CDC14B: variants seen among roughly 807,000 people sequenced by gnomAD.
CDC14B encodes the protein dual specificity protein phosphatase CDC14B.
In CDC14B, 22 loss-of-function variants were observed where a neutral mutation model predicts 64.2. That is an observed-to-expected ratio of 0.34 (90% CI 0.24 to 0.49). The LOEUF (loss-of-function observed/expected upper bound fraction) is 0.49, where lower values mean the gene tolerates loss of function less well. CDC14B is among the 20% of genes least tolerant of loss of function. The pLI is 0.99. For missense variants in CDC14B, 498 were observed against 629.9 expected (o/e 0.79, Z 2.24); for synonymous variants, 191 against 215.8 (o/e 0.89, Z 1.01).
intron 13 of CDC14B, among the ~76,000 whole-genome samples, chr9:96,493,907 C>G (rs1022348546): frequency 6.6e-6 from 1 of 152,214 alleles, no homozygotes; most frequent in Non-Finnish European, 1.5e-5. Context: ...CCACCTCATC[C>G]CCGCGCTCCC....
intron 5 of CDC14B, among the ~76,000 whole-genome samples, chr9:96,545,152 TG>T (rs921247798): frequency 2.6e-5 from 4 of 152,142 alleles, no homozygotes; most frequent in African/African-American, 9.7e-5. Context: ...ATCCTGGTTT[TG>T]TAGAAATAGG....
chr9:96,543,287 T>C (rs1276381229), intron 5 of CDC14B, among the ~76,000 whole-genome samples: 1 of 152,026 alleles, frequency 6.6e-6, no homozygotes, highest in African/African-American at 2.4e-5. Context: ...TGAGCGGAGC[T>C]TGCGCCATTG....
At chr9:96,618,771 G>A (rs958494813) in intron 1 of CDC14B, 1 of 357,918 alleles carries the variant, frequency 2.8e-6, no homozygotes, top group Non-Finnish European at 5.4e-6. Flanking sequence ...GGCAGCTCCC[G>A]TGCCAGGCGC....
At chr9:96,499,588 G>A (rs1276194585), downstream of CDC14B, among the ~76,000 whole-genome samples, 2 of 152,242 alleles carry the variant, frequency 1.3e-5, no homozygotes, top group Non-Finnish European at 2.9e-5. Flanking sequence ...GCTGGGGTGT[G>A]AGGAATGGCC....
At chr9:96,598,384 T>A (rs954133418) in intron 1 of CDC14B, among the ~76,000 whole-genome samples, 1 of 152,244 alleles carries the variant, frequency 6.6e-6, no homozygotes, top group African/African-American at 2.4e-5. Context: ...TCACCCAGGC[T>A]GGAGTGCAGT....
chr9:96,561,848 G>C (rs1346398888), intron 4 of CDC14B, among the ~76,000 whole-genome samples: 1 of 151,878 alleles, frequency 6.6e-6, no homozygotes, highest in African/African-American at 2.4e-5. Context: ...TGGGGTGGGG[G>C]TGGAAGAAAC....
chr9:96,496,721 G>C (rs1345675617), downstream of CDC14B, among the ~76,000 whole-genome samples: 1 of 152,252 alleles, frequency 6.6e-6, no homozygotes, highest in African/African-American at 2.4e-5. Flanking sequence ...CGCTGGAGGA[G>C]GTGCAGCGGA....
chr9:96,574,493 A>G (rs1304060511), intron 1 of CDC14B, among the ~76,000 whole-genome samples: 1 of 152,216 alleles, frequency 6.6e-6, no homozygotes, highest in East Asian at 1.9e-4. Flanking sequence ...AAAGTTTTAT[A>G]AGAATATATA....
Position 96,539,160 on chromosome 9 carries a change from T to C in CDC14B, c.565-20A>G. 1.9e-6 allele frequency: 3 copies of C among 1,553,936 alleles called. No homozygotes were observed. The highest frequency in any genetic ancestry group is 2.7e-6 in the Non-Finnish European group (3 of 1,128,116). The stretch of plus-strand genomic sequence containing the variant: ...CATTGCCTAAAATCCAAAAGAAAGC[T>C]TTTAAGAACAAGGATGCAAATAAGA... On this transcript the variant is annotated intron_variant, in intron 6 of 13. Transcript: ENST00000375241.
At chr9:96,566,790 A>G in intron 1 of CDC14B, 1 of 1,607,542 alleles carries the variant, frequency 6.2e-7, no homozygotes, top group South Asian at 1.1e-5. Context: ...CGGCTACCAA[A>G]GCTGCCCCCG....
intron 5 of CDC14B, among the ~76,000 whole-genome samples, chr9:96,542,558 A>G (rs1479077912): frequency 2.6e-5 from 4 of 151,970 alleles, no homozygotes; most frequent in African/African-American, 9.7e-5. Context: ...GGTGCAGTGC[A>G]GCTCACTGCA....
chr9:96,552,007 A>ATT, intron 4 of CDC14B, 135 bp from the exon 5 acceptor site: 1 of 1,145,808 alleles, frequency 8.7e-7, no homozygotes, highest in Non-Finnish European at 1.2e-6. Context: ...CCTAGGAATC[A>ATT]CCCAGAATCC....
At chr9:96,584,199 G>A (rs550330795) in intron 1 of CDC14B, among the ~76,000 whole-genome samples, 2 of 152,248 alleles carry the variant, frequency 1.3e-5, no homozygotes, top group South Asian at 2.1e-4. Context: ...TTGAATGAAC[G>A]ACTGTTGAGT....
intron 1 of CDC14B, among the ~76,000 whole-genome samples, chr9:96,566,067 G>A (rs1843865558): frequency 2.5e-5 from 2 of 78,526 alleles, no homozygotes; most frequent in African/African-American, 2.9e-4. Flanking sequence ...TAAAACAGAA[G>A]CAATGAGGTT....
chr9:96,525,990 G>A (rs922955777), intron 9 of CDC14B, among the ~76,000 whole-genome samples: 4 of 152,148 alleles, frequency 2.6e-5, no homozygotes, highest in Non-Finnish European at 4.4e-5. Context: ...CAATACAACT[G>A]TATTTGCAGA....
At chr9:96,495,664 G>C (rs140335099), downstream of CDC14B, among the ~76,000 whole-genome samples, 34 of 152,318 alleles carry the variant, frequency 2.2e-4, no homozygotes, top group African/African-American at 7.9e-4. Context: ...TTCAGGAAGA[G>C]GGAAGGTGGA....
chr9:96,539,045 G>A (rs746509255), intron 7 of CDC14B, 33 bp downstream of exon 7: 3 of 1,394,072 alleles, frequency 2.2e-6, no homozygotes, highest in Non-Finnish European at 3.1e-6. Flanking sequence ...GCGGGGGGAG[G>A]AAGAGTTGAA....
chr9:96,528,587 T>A (rs1837947331), intron 9 of CDC14B, among the ~76,000 whole-genome samples: 1 of 152,176 alleles, frequency 6.6e-6, no homozygotes. Context: ...AAATATCTGT[T>A]CATATCCCTG....
Position 96,503,643 on chromosome 9 carries a change from G to A in CDC14B, c.*110C>T, listed in dbSNP as rs1446150580. The A allele has an allele frequency of 1.7e-5, 16 of 947,242 alleles. No individual in the cohort carries two copies. The highest frequency in any genetic ancestry group is 5.8e-5 in the South Asian group (4 of 69,314). The allele number at this position is 947,242 out of a possible 1,614,324, so 58.7% of individuals were successfully genotyped here. A position where few individuals can be genotyped will look rare whatever the true frequency, so the allele number is the denominator to read the frequency against. On this transcript the variant is annotated 3_prime_UTR_variant, in exon 14 of 14. Coordinates refer to ENST00000375241, the MANE Select transcript of CDC14B (RefSeq NM_033331.4). ...TCTCCATTGATCAACTTCTTAGGTG[G>A]AAAAAGCAACTAAGGCTTTTGCAAT... is the stretch of plus-strand genomic sequence containing the variant.
Sources: allele counts gnomAD v4.1 joint callset (sites outside exome capture counted in the v4.1 genomes callset), GRCh38; gene constraint gnomAD v4.1.1; transcripts MANE v1.5; gene names NCBI Gene and HGNC (gene_info 2026-07-23, HGNC 2026-07-21).